The following ARHGAP35 variants were observed in gnomAD, a reference collection of about 807,000 sequenced individuals.
The protein encoded by ARHGAP35 is rho GTPase-activating protein 35.
In ARHGAP35, 15 loss-of-function variants were observed where a neutral mutation model predicts 111.1. That is an observed-to-expected ratio of 0.13 (90% confidence interval 0.09 to 0.21). ARHGAP35 has a LOEUF of 0.21. Among genes scored for constraint, ARHGAP35 ranks in the 10% least tolerant of loss-of-function variants. The pLI, the probability that ARHGAP35 is intolerant of heterozygous loss-of-function variation, is 1.00. For synonymous variants in ARHGAP35, 643 were observed against 710.3 expected (o/e 0.91, Z 1.51); for missense variants, 1,262 against 1,873.0 (o/e 0.67, Z 6.02).
At chr19:46,980,310 G>A (rs186358643) in intron 3 of ARHGAP35, among the ~76,000 whole-genome samples, 6 of 152,270 alleles carry the variant, frequency 3.9e-5, no homozygotes, top group Admixed American at 3.3e-4. Flanking sequence ...GCTGGAACCC[G>A]GGAAGCGGAG....
At chr19:46,970,745 C>T (rs151172567) in intron 3 of ARHGAP35, among the ~76,000 whole-genome samples, 111 of 152,256 alleles carry the variant, frequency 7.3e-4, no homozygotes, top group Admixed American at 2.4e-3. Flanking sequence ...CACCCTAAAC[C>T]ATGTAGAGCC....
intron 3 of ARHGAP35, among the ~76,000 whole-genome samples, chr19:46,963,531 C>G (rs1055288439): frequency 5.9e-5 from 9 of 152,234 alleles, no homozygotes; most frequent in Admixed American, 1.3e-4. Flanking sequence ...TGCCTCTTCT[C>G]TGATGACCAT....
Position 46,922,118 on chromosome 19 carries a change from A to G in ARHGAP35, c.3443A>G (p.Lys1148Arg). ...ACCAGCTCTCTAGAGCGAGGGCGCA[A>G]GGTTTCCATCGTGAGCAAGCCAGTG... ...MDTSSLERGRKVSIVSKPVLY... is the reference protein window; with the variant it reads ...MDTSSLERGRRVSIVSKPVLY... Residue 1148 changes from lysine (K) to arginine (R), a missense_variant, in exon 2 of 7, where the codon AAG becomes AGG. This residue lies in a region of ARHGAP35 where 579 missense variants were observed against 716.9 expected (regional missense o/e 0.81). Coordinates refer to ENST00000672722, the MANE Select transcript of ARHGAP35 (RefSeq NM_004491.5). This position sits in a 1 kb window ranked among gnomAD's most constrained non-coding sequence, Gnocchi z 4.0. The G allele has an allele frequency of 6.2e-7, 1 of 1,614,016 alleles. No homozygotes were observed. Among genetic ancestry groups the G allele is most frequent in the African/African-American group, 1.3e-5 (1 of 75,038 alleles).
At chr19:46,923,930 A>AG (rs2056223607) in intron 2 of ARHGAP35, among the ~76,000 whole-genome samples, 1 of 151,860 alleles carries the variant, frequency 6.6e-6, no homozygotes, top group African/African-American at 2.4e-5. Flanking sequence ...CAAAAAAAAA[A>AG]AAGGAAAAAG....
intron 1 of ARHGAP35, among the ~76,000 whole-genome samples, chr19:46,878,168 G>A (rs1599794979): frequency 6.6e-6 from 1 of 151,598 alleles, no homozygotes; most frequent in South Asian, 2.1e-4. Context: ...CTACAGATGC[G>A]CACCACCACA....
chr19:46,927,434 A>G (rs1157081028), intron 2 of ARHGAP35, among the ~76,000 whole-genome samples: 3 of 152,218 alleles, frequency 2.0e-5, no homozygotes, highest in Admixed American at 6.5e-5. Flanking sequence ...TCCCCAAGGA[A>G]ATGATATTTA....
intron 3 of ARHGAP35, among the ~76,000 whole-genome samples, chr19:46,964,762 A>G (rs1404687499): frequency 6.6e-6 from 1 of 152,172 alleles, no homozygotes; most frequent in Non-Finnish European, 1.5e-5. Flanking sequence ...CAGGGTAATA[A>G]GGTCAATATG....
rs867305062 is a variant in ARHGAP35, at chr19:46,945,960, G to A, written c.3826+8552G>A. ...ATCTCTAGCCAGTGCTGTAGAGGCC[G>A]AGAAGAGGAATTGTGCCTAGGGAGA... On this transcript the variant is annotated intron_variant, in intron 3 of 6. Coordinates refer to ENST00000672722, the MANE Select transcript of ARHGAP35 (RefSeq NM_004491.5). The surrounding 1 kb of genome is among the most constrained non-coding windows in gnomAD (Gnocchi z 4.1). Among the ~76,000 whole-genome samples the A allele has an allele frequency of 5.3e-5, 8 of 152,180 alleles. No individual in the cohort carries two copies. Among genetic ancestry groups the A allele is most frequent in the Admixed American group, 3.3e-4 (5 of 15,278 alleles).
Position 46,935,510 on chromosome 19 carries a change from A to C in ARHGAP35, c.3682-1754A>C, listed in dbSNP as rs1369093007. 2.0e-5 allele frequency among the ~76,000 whole-genome samples: 3 copies of C among 152,190 alleles called. No individual in the cohort carries two copies. In the East Asian group the frequency reaches 5.8e-4, roughly 29 times the overall value. ...AGGAAGTGATTTTTTTCTTATACAA[A>C]GGGGTACTGGTAGGAACGAAGATGG... On this transcript the variant is annotated intron_variant, in intron 2 of 6. Coordinates refer to ENST00000672722, the MANE Select transcript of ARHGAP35 (RefSeq NM_004491.5).
chr19:46,966,478 G>A (rs1409785354), intron 3 of ARHGAP35, among the ~76,000 whole-genome samples: 1 of 152,196 alleles, frequency 6.6e-6, no homozygotes, highest in Non-Finnish European at 1.5e-5. Flanking sequence ...GAGCGTGGGA[G>A]GTTGAAGCCA....
At position 46,958,384 on chromosome 19, in the gene ARHGAP35, C is replaced by CAA. The variant is rs796810574; in HGVS notation, c.3826+20992_3826+20993dup. Among the ~76,000 whole-genome samples, 229 of 75,614 alleles carry CAA rather than the reference C, an allele frequency of 3.0e-3. 1 individual carries two copies. The highest frequency in any genetic ancestry group is 0.011 in the African/African-American group (208 of 19,664). The allele number at this position is 75,614 out of a possible 152,430, so 49.6% of individuals were successfully genotyped here. On this transcript the variant is annotated intron_variant, in intron 3 of 6. Transcript: ENST00000672722. ...TGGGCGACAGAGCAAGACTCCGTCT[C>CAA]AAAAAAAAAAAAAAAAAGTGTATGG...
At chr19:46,949,835 A>G (rs925807235) in intron 3 of ARHGAP35, among the ~76,000 whole-genome samples, 1 of 152,244 alleles carries the variant, frequency 6.6e-6, no homozygotes, top group African/African-American at 2.4e-5. Flanking sequence ...CATTCGGTCA[A>G]TGTTAGCCAT....
rs2056748180 is a variant in ARHGAP35 at position 47,001,479 on chromosome 19, G to A, written c.*791G>A. ...CTCTGTGCCCGCCTCTGCCGGGAGG[G>A]AGGGAGGCACACAGGTGGAGCTGAC... On this transcript the variant is annotated 3_prime_UTR_variant, in exon 7 of 7. Coordinates refer to ENST00000672722, the MANE Select transcript of ARHGAP35 (RefSeq NM_004491.5). This position sits in a 1 kb window ranked among gnomAD's most constrained non-coding sequence, Gnocchi z 5.4. 17 of 1,117,688 alleles carry A rather than the reference G, an allele frequency of 1.5e-5. No homozygotes were observed. The highest frequency in any genetic ancestry group is 1.7e-5 in the Non-Finnish European group (14 of 838,220). 69.2% of individuals were successfully genotyped at this position (1,117,688 alleles called of 1,614,324 possible).
chr19:46,865,426 G>A (rs539399287), intron 1 of ARHGAP35, among the ~76,000 whole-genome samples: 5 of 152,240 alleles, frequency 3.3e-5, no homozygotes, highest in East Asian at 1.9e-4. Context: ...GATGAAGGTC[G>A]ATGCATTTAG....
intron 1 of ARHGAP35, among the ~76,000 whole-genome samples, chr19:46,902,562 A>G (rs1360135299): frequency 6.6e-6 from 1 of 152,138 alleles, no homozygotes; most frequent in Non-Finnish European, 1.5e-5. Context: ...TGGAATGTGG[A>G]CATACAGCTT....
intron 1 of ARHGAP35, among the ~76,000 whole-genome samples, chr19:46,912,834 A>G (rs762705693): frequency 7.9e-5 from 12 of 151,854 alleles, no homozygotes; most frequent in Non-Finnish European, 1.5e-4. Context: ...TGTCTACCAA[A>G]TGCAAACATT....
intron 1 of ARHGAP35, among the ~76,000 whole-genome samples, chr19:46,894,238 C>T (rs17367673): frequency 0.13 from 20,380 of 152,100 alleles, 1,643 homozygotes; most frequent in Admixed American, 0.17. Flanking sequence ...TTCTTTAGAT[C>T]TGGTGAACTT....
intron 1 of ARHGAP35, among the ~76,000 whole-genome samples, chr19:46,886,056 C>T (rs311363): frequency 0.52 from 78,932 of 152,014 alleles, 21,135 homozygotes; most frequent in Middle Eastern, 0.7. Flanking sequence ...CTTTTGACTT[C>T]GGGGAAGAGC....
In ARHGAP35 at chr19:46,922,196, G is replaced by C. The variant is rs1005373718; in HGVS notation, c.3521G>C (p.Ser1174Thr). 23 of 1,613,920 alleles carry C rather than the reference G, an allele frequency of 1.4e-5. No homozygotes were observed. The highest frequency in any genetic ancestry group is 1.8e-5 in the Non-Finnish European group (21 of 1,179,914). The change falls in exon 2 of 7, where the codon AGC (serine) becomes ACC (threonine). Residue 1174 changes from serine (S) to threonine (T), a missense_variant. By Grantham distance (58) the Ser-to-Thr change is moderately conservative (BLOSUM62 1). Around this residue, in one of 8 missense-constraint regions of ARHGAP35, gnomAD observed 579 missense variants for 716.9 expected, o/e 0.81. Transcript: ENST00000672722. This position sits in a 1 kb window ranked among gnomAD's most constrained non-coding sequence, Gnocchi z 4.0. ...GGGCGGTTTGCTAGTTACCGGACCA[G>C]CTTCAGCGTGGGGAGTGATGATGAG... ...RLGRFASYRT[S>T]FSVGSDDELG...
Sources: allele counts gnomAD v4.1 joint callset (sites outside exome capture counted in the v4.1 genomes callset), GRCh38; gene constraint gnomAD v4.1.1; regional missense constraint gnomAD v4.1.1; non-coding constraint Gnocchi (gnomAD v3.1); transcripts MANE v1.5; gene names NCBI Gene and HGNC (gene_info 2026-07-23, HGNC 2026-07-21).